The following PTPRK variants were observed in gnomAD, a reference collection of about 807,000 sequenced individuals.
PTPRK encodes receptor-type tyrosine-protein phosphatase kappa.
PTPRK carries 75 observed loss-of-function variants against 178.0 expected under a neutral mutation model. That is an observed-to-expected ratio of 0.42 (90% CI 0.35 to 0.51). PTPRK has a LOEUF of 0.51. Ranked by LOEUF, PTPRK falls within the 20% of genes least tolerant of loss-of-function variation. PTPRK has a pLI of 0.02. For missense variants in PTPRK, 1,441 were observed against 1,797.8 expected (o/e 0.80, Z 3.59); for synonymous variants, 637 against 620.6 (o/e 1.03, Z -0.39).
intron 5 of PTPRK, among the ~76,000 whole-genome samples, chr6:128,232,598 A>G (rs1370189831): frequency 6.6e-6 from 1 of 152,206 alleles, no homozygotes; most frequent in African/African-American, 2.4e-5. Flanking sequence ...TGTCATTATT[A>G]TACTTTAGGA....
intron 7 of PTPRK, among the ~76,000 whole-genome samples, chr6:128,182,725 A>C (rs1241583648): frequency 6.6e-6 from 1 of 152,194 alleles, no homozygotes; most frequent in African/African-American, 2.4e-5. Flanking sequence ...ATCAATATTC[A>C]GTAACATGTT....
At chr6:128,152,962 GACTGACTCTGTA>G (rs1797486849) in intron 7 of PTPRK, among the ~76,000 whole-genome samples, 1 of 151,838 alleles carries the variant, frequency 6.6e-6, no homozygotes, top group East Asian at 1.9e-4. Context: ...ACATCTGCAG[GACTGACTCTGTA>G]ACACCTCTTT....
intron 2 of PTPRK, among the ~76,000 whole-genome samples, chr6:128,376,733 AG>A (rs1837137328): frequency 6.6e-6 from 1 of 152,178 alleles, no homozygotes. Flanking sequence ...CACCTTTAAC[AG>A]CACCCAAGTC....
chr6:128,175,486 G>A (rs976978370), intron 7 of PTPRK, among the ~76,000 whole-genome samples: 1 of 150,774 alleles, frequency 6.6e-6, no homozygotes, highest in Non-Finnish European at 1.5e-5. Flanking sequence ...CATACATTCA[G>A]ATATATATAT....
chr6:128,242,708 G>A, intron 3 of PTPRK, 106 bp from the exon 4 acceptor site: 1 of 1,429,030 alleles, frequency 7.0e-7, no homozygotes, highest in South Asian at 1.5e-5. Context: ...TTTTTGTTCA[G>A]TAAGAATTAA....
chr6:128,225,274 C>T (rs1366832703), intron 5 of PTPRK, among the ~76,000 whole-genome samples: 2 of 152,046 alleles, frequency 1.3e-5, no homozygotes, highest in Non-Finnish European at 2.9e-5. Context: ...ATATGATTCT[C>T]TCATCTTCTT....
At chr6:128,393,369 G>A (rs1043689913) in intron 2 of PTPRK, among the ~76,000 whole-genome samples, 12 of 152,058 alleles carry the variant, frequency 7.9e-5, no homozygotes, top group East Asian at 5.8e-4. Context: ...GATTACAGGC[G>A]TGAGCCACCA....
At chr6:128,090,180 A>C (rs1240846856) in intron 7 of PTPRK, among the ~76,000 whole-genome samples, 188 bp from the exon 8 acceptor site, 1 of 152,236 alleles carries the variant, frequency 6.6e-6, no homozygotes, top group African/African-American at 2.4e-5. Flanking sequence ...AGATTTAACA[A>C]CAGGAAAAGA....
At chr6:128,235,712 A>G (rs1583618044) in intron 5 of PTPRK, 1 of 383,140 alleles carries the variant, frequency 2.6e-6, no homozygotes, top group Admixed American at 2.9e-5. Flanking sequence ...AGTCATCGAC[A>G]TTGTGTGTTT....
At chr6:128,434,502 A>G (rs1845255580) in intron 1 of PTPRK, among the ~76,000 whole-genome samples, 2 of 152,320 alleles carry the variant, frequency 1.3e-5, no homozygotes, top group South Asian at 4.1e-4. Context: ...GACTTGGAAC[A>G]AACTGCTTAC....
chr6:128,186,932 T>C (rs1802862818), intron 6 of PTPRK, among the ~76,000 whole-genome samples: 1 of 152,168 alleles, frequency 6.6e-6, no homozygotes, highest in African/African-American at 2.4e-5. Flanking sequence ...GCCTCATATG[T>C]GCAATATTTG....
chr6:128,151,197 G>A (rs982263322), intron 7 of PTPRK, among the ~76,000 whole-genome samples: 1 of 151,954 alleles, frequency 6.6e-6, no homozygotes, highest in African/African-American at 2.4e-5. Flanking sequence ...AAGGGAGGAG[G>A]AGTTTTTTTT....
intron 2 of PTPRK, among the ~76,000 whole-genome samples, chr6:128,383,694 A>G (rs1838278240): frequency 6.6e-6 from 1 of 152,190 alleles, no homozygotes; most frequent in African/African-American, 2.4e-5. Flanking sequence ...ACACAGTGCT[A>G]AACTGCACAA....
intron 2 of PTPRK, among the ~76,000 whole-genome samples, chr6:128,374,981 T>C (rs1243357270): frequency 1.3e-5 from 2 of 151,884 alleles, no homozygotes; most frequent in Non-Finnish European, 2.9e-5. Flanking sequence ...TGGAATGCTT[T>C]TCCCCTAGAT....
At chr6:128,330,880 A>AAAAAC (rs796803678) in intron 2 of PTPRK, among the ~76,000 whole-genome samples, 2 of 69,686 alleles carry the variant, frequency 2.9e-5, no homozygotes, top group Admixed American at 1.6e-4. Flanking sequence ...AAACAAAAAC[A>AAAAAC]AAAACAAAAC....
At chr6:127,987,549 A>G (rs1776120571) in intron 21 of PTPRK, among the ~76,000 whole-genome samples, 1 of 152,150 alleles carries the variant, frequency 6.6e-6, no homozygotes, top group Middle Eastern at 3.2e-3. Flanking sequence ...ACAAGCTATA[A>G]CTCATGAATA....
At chr6:128,110,258 AT>A (rs1283432432) in intron 7 of PTPRK, among the ~76,000 whole-genome samples, 2 of 152,108 alleles carry the variant, frequency 1.3e-5, no homozygotes, top group African/African-American at 4.8e-5. Context: ...CCCTGATAAA[AT>A]TAATGATAAA....
chr6:128,191,667 G>A (rs115628773), intron 6 of PTPRK, among the ~76,000 whole-genome samples: 3,663 of 151,714 alleles, frequency 0.024, 93 homozygotes, highest in African/African-American at 0.065. Context: ...AGACCACATT[G>A]TACAACTTAA....
intron 5 of PTPRK, among the ~76,000 whole-genome samples, chr6:128,227,172 A>G (rs1811496836): frequency 6.6e-6 from 1 of 152,204 alleles, no homozygotes; most frequent in African/African-American, 2.4e-5. Flanking sequence ...GAACAAAGAA[A>G]CAAACAAAGA....
Sources: gnomAD v4.1 joint callset for allele counts (sites outside exome capture counted in the v4.1 genomes callset) on GRCh38, gnomAD v4.1.1 for gene constraint, MANE v1.5 for transcripts, NCBI Gene and HGNC (gene_info 2026-07-23, HGNC 2026-07-21) for gene names.